Variants in ICA1 observed in about 807,000 individuals in gnomAD.
ICA1 encodes the protein 69 kDa islet cell autoantigen.
Under a neutral mutation model 71.0 loss-of-function variants are expected in ICA1, and 40 were observed. That is an observed-to-expected ratio of 0.56 (90% CI 0.44 to 0.73). ICA1 has a LOEUF of 0.73. ICA1 is among the 30% of genes least tolerant of loss of function. ICA1 has a pLI of 0.00. For synonymous variants in ICA1, 207 were observed against 209.5 expected (o/e 0.99, Z 0.10); for missense variants, 578 against 576.5 (o/e 1.00, Z -0.03).
intron 13 of ICA1, among the ~76,000 whole-genome samples, chr7:8,118,665 C>G (rs537047314): frequency 6.6e-6 from 1 of 152,194 alleles, no homozygotes; most frequent in African/African-American, 2.4e-5. Context: ...CTGTGTGTGC[C>G]AAATAATGCT....
At chr7:8,136,768 C>G (rs1255840226) in intron 12 of ICA1, among the ~76,000 whole-genome samples, 2 of 152,176 alleles carry the variant, frequency 1.3e-5, no homozygotes, top group East Asian at 3.8e-4. Flanking sequence ...TTTACAATTA[C>G]ATAGAGTGCT....
chr7:8,238,873 T>G (rs373672468), intron 1 of ICA1, among the ~76,000 whole-genome samples: 4 of 152,228 alleles, frequency 2.6e-5, no homozygotes, highest in African/African-American at 9.6e-5. Flanking sequence ...TACAGAATCC[T>G]AGACCCCACT....
At chr7:8,224,821 G>T (rs746199514) in intron 4 of ICA1, among the ~76,000 whole-genome samples, 1 of 152,200 alleles carries the variant, frequency 6.6e-6, no homozygotes, top group Non-Finnish European at 1.5e-5. Context: ...CATATTTTAA[G>T]AGTACTGGTC....
At position 8,174,689 on chromosome 7, in the gene ICA1, G is replaced by A. The variant is rs186348417; in HGVS notation, c.580-16037C>T. 3.5e-3 allele frequency among the ~76,000 whole-genome samples: 528 copies of A among 149,374 alleles called. 1 individual carries two copies. Among genetic ancestry groups the A allele is most frequent in the Admixed American group, 6.7e-3 (99 of 14,844 alleles). On this transcript the variant is annotated intron_variant, in intron 6 of 13. Coordinates refer to ENST00000402384, the MANE Select transcript of ICA1 (RefSeq NM_001136020.3). ...GAGCACTTATAGTCCCAGCTACTCA[G>A]GAGGCTGAGGCGGGAGGATCACTTG...
At chr7:8,230,424 G>A (rs80137817) in intron 3 of ICA1, among the ~76,000 whole-genome samples, 2,687 of 152,154 alleles carry the variant, frequency 0.018, 77 homozygotes, top group African/African-American at 0.061. Flanking sequence ...CATCATTTTT[G>A]TATATTTCAT....
intron 6 of ICA1, among the ~76,000 whole-genome samples, chr7:8,197,273 G>T (rs1468394299): frequency 6.6e-6 from 1 of 151,602 alleles, no homozygotes; most frequent in Admixed American, 6.6e-5. Context: ...AAAAAGAAGA[G>T]GCTGGGTGTG....
Position 8,130,255 on chromosome 7 carries a change from A to G in ICA1, c.1061-2113T>C, listed in dbSNP as rs990386209. ...GGTCGAATGGTATTTCGACAGTGTG[A>G]TATTAACAGGGTAGTTCAGGAACCA... On this transcript the variant is annotated intron_variant, in intron 12 of 13. Coordinates refer to ENST00000402384, the MANE Select transcript of ICA1 (RefSeq NM_001136020.3). This position sits in a 1 kb window ranked among gnomAD's most constrained non-coding sequence, Gnocchi z 4.2. Among the ~76,000 whole-genome samples, 1 of 152,158 alleles carries G rather than the reference A, an allele frequency of 6.6e-6. No homozygotes were observed. The highest frequency in any genetic ancestry group is 6.5e-5 in the Admixed American group (1 of 15,272).
At chr7:8,115,491 C>T (rs773929196) in intron 13 of ICA1, among the ~76,000 whole-genome samples, 1 of 152,174 alleles carries the variant, frequency 6.6e-6, no homozygotes, top group East Asian at 1.9e-4. Context: ...CCCCTTCCTT[C>T]TAACCTCCTC....
At chr7:8,140,776 C>G (rs1184493580) in intron 10 of ICA1, among the ~76,000 whole-genome samples, 3 of 152,112 alleles carry the variant, frequency 2.0e-5, no homozygotes, top group Non-Finnish European at 4.4e-5. Context: ...AAAAGTGAGT[C>G]TTTTGTTGTT....
chr7:8,248,985 A>G (rs1328519092), intron 1 of ICA1, among the ~76,000 whole-genome samples: 1 of 152,250 alleles, frequency 6.6e-6, no homozygotes, highest in Non-Finnish European at 1.5e-5. Flanking sequence ...CCTCCTGACC[A>G]ATAGTTTTTT....
chr7:8,235,857 T>C, intron 2 of ICA1, 53 bp downstream of exon 2: 1 of 1,558,442 alleles, frequency 6.4e-7, no homozygotes, highest in African/African-American at 1.4e-5. Context: ...TTATTGATCA[T>C]ATGCTATATG....
At chr7:8,161,083 C>T (rs752939019) in intron 6 of ICA1, among the ~76,000 whole-genome samples, 6 of 152,172 alleles carry the variant, frequency 3.9e-5, no homozygotes, top group South Asian at 2.1e-4. Context: ...ACGTGGGAGT[C>T]GGAGCTTTCA....
chr7:8,166,217 A>T (rs868257136), intron 6 of ICA1, among the ~76,000 whole-genome samples: 2 of 152,116 alleles, frequency 1.3e-5, no homozygotes, highest in Non-Finnish European at 1.5e-5. Flanking sequence ...AGAACCTTCA[A>T]TTTACTTCTT....
intron 6 of ICA1, among the ~76,000 whole-genome samples, chr7:8,162,790 G>C (rs1406394715): frequency 6.6e-6 from 1 of 152,150 alleles, no homozygotes; most frequent in Non-Finnish European, 1.5e-5. Flanking sequence ...TAGAGATGGA[G>C]TCTCGCTCTG....
At chr7:8,171,498 T>C (rs1046055863) in intron 6 of ICA1, among the ~76,000 whole-genome samples, 2 of 151,918 alleles carry the variant, frequency 1.3e-5, no homozygotes, top group Non-Finnish European at 2.9e-5. Flanking sequence ...TAATTCTAAG[T>C]ATTAATGATT....
chr7:8,157,175 T>C lies in ICA1; in HGVS notation c.745A>G (p.Met249Val), dbSNP rs780372685. ...TTGAAACTCTCATGGATGGCTGCCA[T>C]AGTGTGAGAAGTTTTCTCCCAAAAA... ...LHFWEKTSHTMAAIHESFKGY... is the reference protein window; with the variant it reads ...LHFWEKTSHTVAAIHESFKGY... The change falls in exon 8 of 14, where the codon ATG (methionine) becomes GTG (valine). Residue 249 changes from methionine to valine, a missense_variant. Physicochemically the swap from Met to Val is conservative, Grantham distance 21. Transcript: ENST00000402384. The C allele has an allele frequency of 5.0e-6, 8 of 1,609,600 alleles. No individual in the cohort carries two copies. Among genetic ancestry groups the C allele is most frequent in the South Asian group, 1.1e-5 (1 of 89,848 alleles).
At chr7:8,158,205 G>A (rs943226205) in intron 7 of ICA1, 3 of 266,480 alleles carry the variant, frequency 1.1e-5, no homozygotes, top group Non-Finnish European at 1.4e-5. Flanking sequence ...GAGGCTTACT[G>A]AAAAAGGCGT....
At chr7:8,221,724 T>G (rs1797148538) in intron 4 of ICA1, among the ~76,000 whole-genome samples, 1 of 152,210 alleles carries the variant, frequency 6.6e-6, no homozygotes, top group Non-Finnish European at 1.5e-5. Flanking sequence ...GAGTTGGGTT[T>G]GTCAAGTATG....
At chr7:8,243,803 A>C (rs917162530) in intron 1 of ICA1, among the ~76,000 whole-genome samples, 11 of 152,156 alleles carry the variant, frequency 7.2e-5, no homozygotes, top group Admixed American at 7.2e-4. Flanking sequence ...ATCATGAGTG[A>C]ACTCCCATTC....
Sources: gnomAD v4.1 joint callset for allele counts (sites outside exome capture counted in the v4.1 genomes callset) on GRCh38, gnomAD v4.1.1 for gene constraint, Gnocchi (gnomAD v3.1) non-coding constraint, MANE v1.5 for transcripts, NCBI Gene and HGNC (gene_info 2026-07-23, HGNC 2026-07-21) for gene names.